The following SNX25 variants were observed in gnomAD, a reference collection of about 807,000 sequenced individuals.
The protein encoded by SNX25 is sorting nexin 25.
In SNX25, 62 loss-of-function variants were observed where a neutral mutation model predicts 113.7. The ratio of observed to expected loss-of-function variants is 0.55; its 90% CI spans 0.44 to 0.67. The LOEUF (loss-of-function observed/expected upper bound fraction) is 0.67, where lower values mean the gene tolerates loss of function less well. Ranked by LOEUF, SNX25 falls within the 30% of genes least tolerant of loss-of-function variation. The probability of loss-of-function intolerance (pLI) is 0.00; values close to 1 mark genes in which losing one functional copy is unlikely to be tolerated. For synonymous variants in SNX25, 421 were observed against 436.2 expected, an observed-to-expected ratio of 0.97 and a Z score of 0.43; for missense variants, 1,014 against 1,161.0, an observed-to-expected ratio of 0.87 and a Z score of 1.84.
At chr4:185,217,679 C>T (rs1560896055) in intron 1 of SNX25, among the ~76,000 whole-genome samples, 1 of 152,134 alleles carries the variant, frequency 6.6e-6, no homozygotes, top group Non-Finnish European at 1.5e-5. Context: ...GTTTCCCAAC[C>T]ATATCATTTT....
chr4:185,306,508 T>C (rs2126655137), intron 6 of SNX25, among the ~76,000 whole-genome samples: 1 of 152,330 alleles, frequency 6.6e-6, no homozygotes. Context: ...TTCTTCTAGG[T>C]TTTGTCCTTT....
chr4:185,247,500 T>C, intron 2 of SNX25, 122 bp downstream of exon 2: 1 of 771,130 alleles, frequency 1.3e-6, no homozygotes, highest in South Asian at 1.6e-5. Context: ...GAATTTTTTC[T>C]TCATGAGTTT....
chr4:185,373,256 G>A (rs2126793580), downstream of SNX25, among the ~76,000 whole-genome samples: 1 of 152,322 alleles, frequency 6.6e-6, no homozygotes. Flanking sequence ...ACAGTGTGGA[G>A]GCGAGTTCCT....
chr4:185,351,345 G>A, intron 13 of SNX25, 100 bp from the exon 14 acceptor site: 2 of 1,284,328 alleles, frequency 1.6e-6, no homozygotes, highest in Non-Finnish European at 2.2e-6. Flanking sequence ...TCTGATGAAA[G>A]TAAATTCGTG....
chr4:185,224,428 AAAATATATAGATATATAAATATATATAT>A (rs1361398589), intron 1 of SNX25, among the ~76,000 whole-genome samples: 7 of 123,740 alleles, frequency 5.7e-5, no homozygotes, highest in Non-Finnish European at 1.2e-4. Context: ...AAAATATATA[AAAATATATAGATATATAAATATATATAT>A]AGATATATAA....
intron 6 of SNX25, 149 bp from the exon 7 acceptor site, chr4:185,310,486 T>C: frequency 1.9e-6 from 1 of 518,870 alleles, no homozygotes; most frequent in Non-Finnish European, 3.3e-6. Flanking sequence ...GGAGTATGTA[T>C]ATGTATTTAT....
chr4:185,262,439 G>A (rs930414199), intron 3 of SNX25, among the ~76,000 whole-genome samples: 1 of 152,040 alleles, frequency 6.6e-6, no homozygotes, highest in African/African-American at 2.4e-5. Flanking sequence ...CATACAGTTT[G>A]AGGGAAAAAA....
chr4:185,267,194 A>G, intron 5 of SNX25, 39 bp downstream of exon 5: 1 of 1,552,188 alleles, frequency 6.4e-7, no homozygotes, highest in Middle Eastern at 1.7e-4. Context: ...ACAGCTACTG[A>G]TTATCATCCC....
intron 16 of SNX25, among the ~76,000 whole-genome samples, chr4:185,361,416 G>C (rs932990603): frequency 6.6e-6 from 1 of 152,276 alleles, no homozygotes; most frequent in Non-Finnish European, 1.5e-5. Context: ...ATTATCTCCA[G>C]GAATAACTGC....
intron 1 of SNX25, among the ~76,000 whole-genome samples, chr4:185,243,504 G>GA (rs1364075842): frequency 6.6e-6 from 1 of 152,128 alleles, no homozygotes; most frequent in Non-Finnish European, 1.5e-5. Flanking sequence ...TCAGGAGGCT[G>GA]AGGGGGAAGG....
At chr4:185,345,641 AT>A (rs1310419782) in intron 12 of SNX25, among the ~76,000 whole-genome samples, 1 of 151,950 alleles carries the variant, frequency 6.6e-6, no homozygotes, top group Non-Finnish European at 1.5e-5. Flanking sequence ...AAATTTAAAA[AT>A]TAGCCAGGCA....
Position 185,320,824 on chromosome 4 carries a change from GT to G in SNX25, c.1441del (p.Trp481GlyfsTer7). ...MERMDKRALI[S>X]FWESVEHLKN... Reference sequence around the variant, plus strand: ...AGGATGGACAAAAGAGCTCTGATTAGTTTTTGGGAATCTGTGGAACATTTAA... The same window carrying G: ...AGGATGGACAAAAGAGCTCTGATTAGTTTTGGGAATCTGTGGAACATTTAA... On this transcript the variant is annotated frameshift_variant, in exon 8 of 19. Coordinates refer to ENST00000652585, the MANE Select transcript of SNX25 (RefSeq NM_001378034.2). LOFTEE classifies it high-confidence loss of function. 4 of 1,605,868 alleles carry G rather than the reference GT, an allele frequency of 2.5e-6. No individual in the cohort carries two copies. The South Asian group carries it at 3.3e-5, about 13-fold the overall frequency.
Position 185,362,836 on chromosome 4 carries a change from A to ATTT in SNX25, c.2934+125_2934+126insTTT. On this transcript the variant is annotated intron_variant, in intron 18 of 18. Coordinates refer to ENST00000652585, the MANE Select transcript of SNX25 (RefSeq NM_001378034.2). ...TCTCACATACTAGTCATCTCCCTTG[A>ATTT]CTTTTTTTTTTTTTTTTTTTTTTGA... 1.1e-5 allele frequency: 4 copies of ATTT among 352,606 alleles called. No homozygotes were observed. In the South Asian group the frequency reaches 2.1e-4, roughly 18 times the overall value. The allele number at this position is 352,606 out of a possible 1,614,324, so 21.8% of individuals were successfully genotyped here. A position where few individuals can be genotyped will look rare whatever the true frequency, so the allele number is the denominator to read the frequency against.
At chr4:185,219,312 A>C (rs3112896) in intron 1 of SNX25, among the ~76,000 whole-genome samples, 99,118 of 152,074 alleles carry the variant, frequency 0.65, 32,386 homozygotes, top group East Asian at 0.73. Flanking sequence ...GTAATCTCAG[A>C]ACTTTGGGAG....
the SNX25 span, chr4:185,378,373 A>C: frequency 2.1e-6 from 3 of 1,405,138 alleles, no homozygotes; most frequent in South Asian, 3.3e-5. Flanking sequence ...TTACTAGGAC[A>C]CCAAGACCCT....
intron 1 of SNX25, among the ~76,000 whole-genome samples, chr4:185,222,645 A>G (rs981976217): frequency 2.0e-5 from 3 of 152,132 alleles, no homozygotes; most frequent in Non-Finnish European, 4.4e-5. Flanking sequence ...TTTCCTTTTC[A>G]TTAGTTATTG....
chr4:185,273,514 TAG>T, intron 5 of SNX25, among the ~76,000 whole-genome samples: 1 of 152,196 alleles, frequency 6.6e-6, no homozygotes, highest in Non-Finnish European at 1.5e-5. Context: ...TTACCTTACA[TAG>T]TTACCATTTT....
At chr4:185,299,585 C>T (rs1028913004) in intron 6 of SNX25, among the ~76,000 whole-genome samples, 1 of 152,180 alleles carries the variant, frequency 6.6e-6, no homozygotes, top group African/African-American at 2.4e-5. Context: ...GCAGATGATA[C>T]AGAGCCACTG....
downstream of SNX25, chr4:185,374,477 G>C: frequency 3.1e-6 from 5 of 1,601,112 alleles, no homozygotes; most frequent in Non-Finnish European, 4.2e-6. Flanking sequence ...ACAAAAGAAA[G>C]AGCAAAAAAA....
Sources: allele counts gnomAD v4.1 joint callset (sites outside exome capture counted in the v4.1 genomes callset), GRCh38; gene constraint gnomAD v4.1.1; transcripts MANE v1.5; gene names NCBI Gene and HGNC (gene_info 2026-07-23, HGNC 2026-07-21).